The following SLC26A4 variants were observed in gnomAD, a reference collection of about 807,000 sequenced individuals.
SLC26A4 encodes the protein pendrin.
SLC26A4 carries 93 observed loss-of-function variants against 90.4 expected under a neutral mutation model. The ratio of observed to expected loss-of-function variants is 1.03; its 90% confidence interval spans 0.87 to 1.22. SLC26A4 has a LOEUF of 1.22. Ranked by LOEUF, SLC26A4 falls within the 50% of genes most tolerant of loss-of-function variation. The pLI is 0.00. For synonymous variants in SLC26A4, 393 were observed against 354.6 expected, an observed-to-expected ratio of 1.11 and a Z score of -1.22; for missense variants, 1,127 against 946.2, an observed-to-expected ratio of 1.19 and a Z score of -2.51.
Position 107,686,324 on chromosome 7 carries a change from TTTCCTACCTGCACTCCCTTTCCTCCCC to T in SLC26A4, c.1002-2719_1002-2693del, listed in dbSNP as rs1173799924. Among the ~76,000 whole-genome samples the T allele has an allele frequency of 9.5e-4, 121 of 127,084 alleles. 4 individuals carry two copies. The East Asian group carries it at 0.017, about 17-fold the overall frequency. 83.4% of individuals were successfully genotyped at this position (127,084 alleles called of 152,430 possible). The stretch of plus-strand genomic sequence containing the variant: ...CCCTCCCTTCCCTCCCTTCCCTCCC[TTTCCTACCTGCACTCCCTTTCCTCCCC>T]TTCCTACCTTCCCTCCCTTTCCTCC... On this transcript the variant is annotated intron_variant, in intron 8 of 20. Transcript: ENST00000644269.
chr7:107,711,598 A>G (rs1792190105), intron 19 of SLC26A4, among the ~76,000 whole-genome samples: 1 of 152,184 alleles, frequency 6.6e-6, no homozygotes, highest in Admixed American at 6.5e-5. Context: ...GGCCTGTGAG[A>G]TCAAGAGGCT....
At position 107,698,124 on chromosome 7, in the gene SLC26A4, G is replaced by T. The variant is rs761951190; in HGVS notation, c.1614+13G>T. ...GAATTACAAAAACGTAAGTACCTTT[G>T]TGAGACATTTGCTGGACTTGGGTTT... is the stretch of plus-strand genomic sequence containing the variant. On this transcript the variant is annotated intron_variant, in intron 14 of 20. Coordinates refer to ENST00000644269, the MANE Select transcript of SLC26A4 (RefSeq NM_000441.2). 2 of 1,564,132 alleles carry T rather than the reference G, an allele frequency of 1.3e-6. No individual in the cohort carries two copies. The highest frequency in any genetic ancestry group is 1.4e-5 in the African/African-American group (1 of 73,842).
intron 6 of SLC26A4, among the ~76,000 whole-genome samples, chr7:107,678,048 G>C (rs1402413930): frequency 6.6e-6 from 1 of 152,070 alleles, no homozygotes; most frequent in Non-Finnish European, 1.5e-5. Context: ...CTAATGTGTT[G>C]GGATTATAGG....
rs886043058 is a variant in SLC26A4 at position 107,690,193 on chromosome 7, CT to C, written c.1222del (p.Ser408ProfsTer24). 1.2e-6 allele frequency: 2 copies of C among 1,613,308 alleles called. No homozygotes were observed. Among genetic ancestry groups the C allele is most frequent in the Non-Finnish European group, 1.7e-6 (2 of 1,179,312 alleles). ...CTCTTGTTTTGTGGCCACCACTGCTCTTTCCCGCACGGCCGTCCAGGAGAGC... is the reference window on the plus strand; with the variant it reads ...CTCTTGTTTTGTGGCCACCACTGCTCTTCCCGCACGGCCGTCCAGGAGAGC... ...FFSCFVATTA[L>X]SRTAVQESTG... On this transcript the variant is annotated frameshift_variant, in exon 10 of 21. Transcript: ENST00000644269. LOFTEE classifies it high-confidence loss of function.
intron 8 of SLC26A4, among the ~76,000 whole-genome samples, chr7:107,685,192 C>T (rs1400855666): frequency 6.6e-6 from 1 of 152,160 alleles, no homozygotes; most frequent in African/African-American, 2.4e-5. Flanking sequence ...GCTCATCTCA[C>T]AGTAAGCTCT....
chr7:107,695,837 G>T, intron 12 of SLC26A4, 96 bp from the exon 13 acceptor site: 3 of 794,826 alleles, frequency 3.8e-6, no homozygotes, highest in Non-Finnish European at 6.8e-6. Context: ...AATGTAATTT[G>T]TTTGTGGATC....
At chr7:107,711,092 A>G (rs1423590065) in intron 19 of SLC26A4, among the ~76,000 whole-genome samples, 2 of 151,796 alleles carry the variant, frequency 1.3e-5, no homozygotes, top group African/African-American at 4.8e-5. Flanking sequence ...GTTCTATTTG[A>G]TGTTCCTTGG....
At chr7:107,710,360 T>C (rs1447941547) in intron 19 of SLC26A4, among the ~76,000 whole-genome samples, 161 bp downstream of exon 19, 1 of 152,206 alleles carries the variant, frequency 6.6e-6, no homozygotes, top group African/African-American at 2.4e-5. Flanking sequence ...AGTAAAAACA[T>C]TAACCTTGCT....
At chr7:107,704,946 C>G (rs190652199) in intron 18 of SLC26A4, among the ~76,000 whole-genome samples, 1 of 152,170 alleles carries the variant, frequency 6.6e-6, no homozygotes, top group Non-Finnish European at 1.5e-5. Flanking sequence ...TCGTCTAGTG[C>G]GGGAGCTTAG....
At chr7:107,667,460 TTA>T (rs1243924188) in intron 3 of SLC26A4, among the ~76,000 whole-genome samples, 236 of 26,430 alleles carry the variant, frequency 8.9e-3, no homozygotes, top group Non-Finnish European at 0.01. Context: ...GAGAGAAGGT[TTA>T]AAAAAAAAAA....
At chr7:107,700,275 C>T in intron 15 of SLC26A4, 100 bp downstream of exon 15, 2 of 707,516 alleles carry the variant, frequency 2.8e-6, no homozygotes, top group South Asian at 1.5e-5. Flanking sequence ...AGGCCCTAGA[C>T]CCTCTTCCCT....
In SLC26A4 at chr7:107,674,984, T is replaced by G. The variant is rs1490040837; in HGVS notation, c.640T>G (p.Tyr214Asp). The change falls in exon 6 of 21, where the codon TAC (tyrosine) becomes GAC (aspartate). Residue 214 changes from tyrosine to aspartate, a missense_variant. Tyr to Asp is a radical substitution (Grantham distance 160, BLOSUM62 -3). Coordinates refer to ENST00000644269, the MANE Select transcript of SLC26A4 (RefSeq NM_000441.2). ...CTTGCAGATTGGATTCATAGTGAGGTACTTGGCAGATCCTTTGGTTGGTGG... is the reference window on the plus strand; with the variant it reads ...CTTGCAGATTGGATTCATAGTGAGGGACTTGGCAGATCCTTTGGTTGGTGG... Reference protein sequence around the residue: ...GGLQIGFIVRYLADPLVGGFT... With the variant: ...GGLQIGFIVRDLADPLVGGFT... 1 of 1,614,036 alleles carries G rather than the reference T, an allele frequency of 6.2e-7. No individual in the cohort carries two copies. The highest frequency in any genetic ancestry group is 8.5e-7 in the Non-Finnish European group (1 of 1,179,960).
chr7:107,700,230 A>C (rs1791851400), intron 15 of SLC26A4, 55 bp downstream of exon 15: 1 of 879,360 alleles, frequency 1.1e-6, no homozygotes. Flanking sequence ...GACTTCATTC[A>C]TTCTACAAGT....
chr7:107,661,354 G>A lies in SLC26A4; in HGVS notation c.-3-285G>A. The A allele has an allele frequency of 3.7e-6, 2 of 542,444 alleles. No homozygotes were observed. The highest frequency in any genetic ancestry group is 2.1e-5 in the South Asian group (1 of 47,842). The allele number at this position is 542,444 out of a possible 1,614,324, so 33.6% of individuals were successfully genotyped here. A position where few individuals can be genotyped will look rare whatever the true frequency, so the allele number is the denominator to read the frequency against. On this transcript the variant is annotated intron_variant, in intron 1 of 20. Coordinates refer to ENST00000644269, the MANE Select transcript of SLC26A4 (RefSeq NM_000441.2). This position sits in a 1 kb window ranked among gnomAD's most constrained non-coding sequence, Gnocchi z 5.1. ...TAGGGGACTGGGTGGAACTCGGGAA[G>A]CCCCCAGAGCAGGGGCTTACTCGCT...
At chr7:107,698,764 A>G (rs1014200112) in intron 14 of SLC26A4, among the ~76,000 whole-genome samples, 2 of 152,238 alleles carry the variant, frequency 1.3e-5, no homozygotes, top group African/African-American at 2.4e-5. Context: ...ACAAGAGATT[A>G]TCAAGTTCTC....
intron 10 of SLC26A4, chr7:107,692,217 A>G (rs963706263): frequency 1.8e-6 from 1 of 547,940 alleles, no homozygotes; most frequent in South Asian, 2.3e-5. Flanking sequence ...GCATTAAAGA[A>G]TGAAACGAGT....
intron 3 of SLC26A4, among the ~76,000 whole-genome samples, chr7:107,664,128 T>A (rs921066114): frequency 2.0e-4 from 30 of 152,404 alleles, no homozygotes; most frequent in African/African-American, 5.8e-4. Context: ...TATAACAATG[T>A]GCTAATCTTT....
intron 8 of SLC26A4, among the ~76,000 whole-genome samples, chr7:107,686,516 C>G (rs1791425309): frequency 6.8e-6 from 1 of 147,858 alleles, no homozygotes; most frequent in Non-Finnish European, 1.5e-5. Context: ...GAAACAGAAC[C>G]TCACTCTGTC....
chr7:107,675,185 G>A, intron 6 of SLC26A4, 76 bp downstream of exon 6: 1 of 1,460,998 alleles, frequency 6.8e-7, no homozygotes, highest in Non-Finnish European at 9.5e-7. Context: ...CTGAGTCTGG[G>A]CCAGGCGTGG....
Sources: allele counts gnomAD v4.1 joint callset (sites outside exome capture counted in the v4.1 genomes callset), GRCh38; gene constraint gnomAD v4.1.1; non-coding constraint Gnocchi (gnomAD v3.1); transcripts MANE v1.5; gene names NCBI Gene and HGNC (gene_info 2026-07-23, HGNC 2026-07-21).